PPM1H: variants seen among roughly 807,000 people sequenced by gnomAD.
PPM1H encodes the protein protein phosphatase, Mg2+/Mn2+ dependent 1H.
A neutral mutation model predicts 54.9 loss-of-function variants in PPM1H; 27 were observed. That is an observed-to-expected ratio of 0.49 (90% CI 0.36 to 0.68). The LOEUF is 0.68. PPM1H is among the 30% of genes least tolerant of loss of function. The pLI, the probability that PPM1H is intolerant of heterozygous loss-of-function variation, is 0.00. For synonymous variants in PPM1H, 305 were observed against 270.8 expected (o/e 1.13, Z -1.24); for missense variants, 596 against 667.8 (o/e 0.89, Z 1.19).
At chr12:62,877,421 A>G (rs1181604147) in intron 1 of PPM1H, among the ~76,000 whole-genome samples, 1 of 152,196 alleles carries the variant, frequency 6.6e-6, no homozygotes, top group East Asian at 1.9e-4. Flanking sequence ...TGAGCGCTCA[A>G]CATCTGCTTC....
chr12:62,759,330 A>C (rs1472564035), intron 4 of PPM1H, among the ~76,000 whole-genome samples: 1 of 152,204 alleles, frequency 6.6e-6, no homozygotes, highest in African/African-American at 2.4e-5. Flanking sequence ...CCCAATGAAC[A>C]TCTCACTGAT....
chr12:62,714,216 T>A (rs1358979880), intron 6 of PPM1H, among the ~76,000 whole-genome samples: 1 of 152,172 alleles, frequency 6.6e-6, no homozygotes, highest in Non-Finnish European at 1.5e-5. Context: ...ACTCGGGAAA[T>A]AAATTTTTAA....
At chr12:62,826,187 C>A (rs758013797) in intron 2 of PPM1H, among the ~76,000 whole-genome samples, 3 of 152,174 alleles carry the variant, frequency 2.0e-5, no homozygotes, top group Non-Finnish European at 4.4e-5. Flanking sequence ...CAGTGGCTCA[C>A]GTCTGTAATC....
At chr12:62,774,022 C>G (rs1435896142) in intron 4 of PPM1H, among the ~76,000 whole-genome samples, 1 of 152,248 alleles carries the variant, frequency 6.6e-6, no homozygotes. Context: ...AGCATTCCCC[C>G]CCAAACCTAA....
At chr12:62,774,098 G>A (rs958287631) in intron 4 of PPM1H, among the ~76,000 whole-genome samples, 3 of 152,264 alleles carry the variant, frequency 2.0e-5, no homozygotes, top group Non-Finnish European at 2.9e-5. Flanking sequence ...GTCTCTGGCT[G>A]GATACTAAGT....
intron 1 of PPM1H, among the ~76,000 whole-genome samples, chr12:62,914,811 G>T (rs1871569268): frequency 6.6e-6 from 1 of 152,166 alleles, no homozygotes; most frequent in African/African-American, 2.4e-5. Context: ...CCTCCCATGT[G>T]CCCACACGGA....
intron 5 of PPM1H, among the ~76,000 whole-genome samples, chr12:62,737,269 T>A (rs1158413876): frequency 6.8e-6 from 1 of 147,278 alleles, no homozygotes; most frequent in Non-Finnish European, 1.5e-5. Context: ...ATGTCTTCAA[T>A]TGGTCACAGA....
intron 9 of PPM1H, chr12:62,659,256 ACCGT>A (rs2075866557): frequency 2.6e-6 from 1 of 378,008 alleles, no homozygotes; most frequent in African/African-American, 2.8e-5. Flanking sequence ...GTTCTAAAAA[ACCGT>A]AAAAACTGCA....
chr12:62,711,271 C>T (rs1278570922), intron 6 of PPM1H, among the ~76,000 whole-genome samples: 1 of 152,172 alleles, frequency 6.6e-6, no homozygotes, highest in Non-Finnish European at 1.5e-5. Context: ...GGATTACAGG[C>T]GTGAGCCACT....
Position 62,764,334 on chromosome 12 carries a change from G to C in PPM1H, c.869+23892C>G, listed in dbSNP as rs1262763705. On this transcript the variant is annotated intron_variant, in intron 4 of 9. Coordinates refer to ENST00000228705, the MANE Select transcript of PPM1H (RefSeq NM_020700.2). ...GGAAATCTAGGTATGCCCTAAATTA[G>C]TGAGTGGAGATCATGGCTGCAAATG... Among the ~76,000 whole-genome samples, 4 of 152,278 alleles carry C rather than the reference G, an allele frequency of 2.6e-5. 1 individual carries two copies. The highest frequency in any genetic ancestry group is 2.6e-4 in the Admixed American group (4 of 15,300).
intron 1 of PPM1H, among the ~76,000 whole-genome samples, chr12:62,856,187 C>G (rs1433728239): frequency 6.6e-6 from 1 of 152,170 alleles, no homozygotes; most frequent in Non-Finnish European, 1.5e-5. Context: ...CAGAACTCTC[C>G]CTCTGTACAA....
chr12:62,710,323 G>A (rs1174455599), intron 6 of PPM1H, among the ~76,000 whole-genome samples: 1 of 152,040 alleles, frequency 6.6e-6, no homozygotes, highest in African/African-American at 2.4e-5. Flanking sequence ...CTTGAGCTCA[G>A]GAGTTCCAGA....
At chr12:62,763,414 G>C (rs71465167) in intron 4 of PPM1H, among the ~76,000 whole-genome samples, 10 of 152,158 alleles carry the variant, frequency 6.6e-5, no homozygotes, top group African/African-American at 2.4e-4. Flanking sequence ...GAGTGGGAGC[G>C]GGCATCAGGA....
At chr12:62,727,570 TTG>T (rs1356337692) in intron 5 of PPM1H, among the ~76,000 whole-genome samples, 31 of 151,676 alleles carry the variant, frequency 2.0e-4, no homozygotes, top group African/African-American at 7.5e-4. Context: ...TAATAATGCT[TTG>T]TCTCTTCACT....
intron 9 of PPM1H, among the ~76,000 whole-genome samples, chr12:62,661,718 T>C (rs1182921183): frequency 5.0e-5 from 1 of 20,142 alleles, no homozygotes; most frequent in Non-Finnish European, 1.5e-4. Context: ...GTTAAAACAC[T>C]TTTTTTTTCC....
At chr12:62,843,393 G>A (rs1009731085) in intron 1 of PPM1H, among the ~76,000 whole-genome samples, 3 of 152,202 alleles carry the variant, frequency 2.0e-5, no homozygotes, top group South Asian at 2.1e-4. Context: ...AACTGTAAAC[G>A]TGAGAAAGGT....
chr12:62,864,619 A>G (rs569367906), intron 1 of PPM1H, among the ~76,000 whole-genome samples: 133 of 152,352 alleles, frequency 8.7e-4, no homozygotes, highest in African/African-American at 2.9e-3. Context: ...ATGCAGGAAA[A>G]TTAGATTTGG....
In PPM1H at chr12:62,648,304, T is replaced by C. The variant is rs2075797880; in HGVS notation, c.*185A>G. 1.5e-6 allele frequency: 1 copy of C among 666,412 alleles called. No homozygotes were observed. The highest frequency in any genetic ancestry group is 2.2e-5 in the South Asian group (1 of 46,334). 41.3% of individuals were successfully genotyped at this position (666,412 alleles called of 1,614,324 possible). The stretch of plus-strand genomic sequence containing the variant: ...GTTTTGCTCTTGTTGAGTTGACCTG[T>C]TACTAAAGAAGAAATGGAAACCAAA... On this transcript the variant is annotated 3_prime_UTR_variant, in exon 10 of 10. Transcript: ENST00000228705.
chr12:62,925,217 C>A (rs1353504080), intron 1 of PPM1H, among the ~76,000 whole-genome samples: 1 of 152,126 alleles, frequency 6.6e-6, no homozygotes, highest in African/African-American at 2.4e-5. Flanking sequence ...AAATAAACAT[C>A]CATTCACCAA....
Sources: gnomAD v4.1 joint callset for allele counts (sites outside exome capture counted in the v4.1 genomes callset) on GRCh38, gnomAD v4.1.1 for gene constraint, MANE v1.5 for transcripts, NCBI Gene and HGNC (gene_info 2026-07-23, HGNC 2026-07-21) for gene names.